The following AGBL1 variants were observed in gnomAD, a reference collection of about 807,000 sequenced individuals.
AGBL1 encodes the protein AGBL carboxypeptidase 1, also known as cytosolic carboxypeptidase 4.
A neutral mutation model predicts 118.9 loss-of-function variants in AGBL1; 130 were observed. The ratio of observed to expected loss-of-function variants is 1.09; its 90% confidence interval spans 0.95 to 1.26. AGBL1 has a LOEUF of 1.26. AGBL1 is among the 50% of genes most tolerant of loss of function. AGBL1 has a pLI of 0.00. For missense variants in AGBL1, 1,584 were observed against 1,298.1 expected, an observed-to-expected ratio of 1.22 and a Z score of -3.38; for synonymous variants, 555 against 478.9, an observed-to-expected ratio of 1.16 and a Z score of -2.08.
intron 21 of AGBL1, among the ~76,000 whole-genome samples, chr15:86,633,839 ATATATAATG>A (rs1567094031): frequency 7.5e-5 from 5 of 66,256 alleles, no homozygotes; most frequent in African/African-American, 3.5e-4. Flanking sequence ...TAATGTATAT[ATATATAATG>A]TATATATATA....
intron 3 of AGBL1, among the ~76,000 whole-genome samples, chr15:86,154,082 A>T (rs2077154694): frequency 6.6e-6 from 1 of 152,178 alleles, no homozygotes; most frequent in Non-Finnish European, 1.5e-5. Flanking sequence ...ATTAAGAATT[A>T]TATTAATATT....
rs988987500 is a variant in AGBL1, at chr15:86,099,772, C to T, written c.51+19749C>T. Among the ~76,000 whole-genome samples the T allele has an allele frequency of 2.0e-5, 3 of 152,054 alleles. 1 individual carries two copies. Among genetic ancestry groups the T allele is most frequent in the African/African-American group, 7.2e-5 (3 of 41,396 alleles). ...TGATCTGCCTGCCTTGGCTTCCCAA[C>T]ATGCTGGGATTACAGGTGTGAGCCA... is the stretch of plus-strand genomic sequence containing the variant. On this transcript the variant is annotated intron_variant, in intron 1 of 22. Coordinates refer to ENST00000614907, the MANE Select transcript of AGBL1 (RefSeq NM_001386094.1).
intron 23 of AGBL1, among the ~76,000 whole-genome samples, chr15:86,964,006 A>G (rs957374108): frequency 1.2e-4 from 7 of 60,770 alleles, no homozygotes; most frequent in African/African-American, 2.7e-4. Context: ...CTGAGCCAGG[A>G]AACTCTCTCT....
chr15:87,016,549 A>G (rs1445679593), intron 24 of AGBL1, among the ~76,000 whole-genome samples: 1 of 152,254 alleles, frequency 6.6e-6, no homozygotes, highest in South Asian at 2.1e-4. Flanking sequence ...GACTGGGCCA[A>G]GATGGCCAAT....
intron 18 of AGBL1, among the ~76,000 whole-genome samples, chr15:86,474,517 A>G (rs12907754): frequency 0.51 from 76,821 of 151,862 alleles, 19,961 homozygotes; most frequent in Middle Eastern, 0.6. Flanking sequence ...AGGCGGCAGC[A>G]AGCCTGATGG....
chr15:86,206,778 G>A (rs1347198076), intron 5 of AGBL1, among the ~76,000 whole-genome samples: 1 of 152,100 alleles, frequency 6.6e-6, no homozygotes, highest in South Asian at 2.1e-4. Context: ...CACTCTGATG[G>A]TAGTTTCTTT....
At chr15:86,231,680 A>G (rs1264926691) in intron 6 of AGBL1, among the ~76,000 whole-genome samples, 1 of 152,130 alleles carries the variant, frequency 6.6e-6, no homozygotes, top group African/African-American at 2.4e-5. Flanking sequence ...CATTTTACAG[A>G]TGTAGGAACT....
chr15:86,838,392 A>T (rs2079196853), intron 22 of AGBL1, among the ~76,000 whole-genome samples: 1 of 152,096 alleles, frequency 6.6e-6, no homozygotes, highest in South Asian at 2.1e-4. Flanking sequence ...TAATTTTTTT[A>T]AAGTGTGGAA....
At position 86,151,301 on chromosome 15, in the gene AGBL1, T is replaced by TAA. The variant is rs199623183; in HGVS notation, c.263-3113_263-3112dup. Among the ~76,000 whole-genome samples the TAA allele has an allele frequency of 4.7e-5, 6 of 128,718 alleles. 1 individual carries two copies. The East Asian group carries it at 8.9e-4, about 19-fold the overall frequency. 84.4% of individuals were successfully genotyped at this position (128,718 alleles called of 152,430 possible). A position where few individuals can be genotyped will look rare whatever the true frequency, so the allele number is the denominator to read the frequency against. On this transcript the variant is annotated intron_variant, in intron 3 of 22. Transcript: ENST00000614907. Reference sequence around the variant, plus strand: ...AGTACCCTAAAACTTAAAGTGTAATTAAAAAAAAAAAAAAAAAGCTTATCC... The same window carrying TAA: ...AGTACCCTAAAACTTAAAGTGTAATTAAAAAAAAAAAAAAAAAAAGCTTATCC...
At chr15:86,190,232 TAA>T (rs1289665479) in intron 5 of AGBL1, among the ~76,000 whole-genome samples, 2 of 152,144 alleles carry the variant, frequency 1.3e-5, no homozygotes, top group Non-Finnish European at 2.9e-5. Context: ...CAAGAGAATT[TAA>T]AAAGATTTAA....
At chr15:86,421,834 A>G (rs1250212035) in intron 18 of AGBL1, among the ~76,000 whole-genome samples, 3 of 152,204 alleles carry the variant, frequency 2.0e-5, no homozygotes, top group African/African-American at 4.8e-5. Flanking sequence ...TAAACCAACA[A>G]AGATTTAAAA....
chr15:86,307,103 C>G (rs903109552), intron 17 of AGBL1, among the ~76,000 whole-genome samples: 4 of 151,994 alleles, frequency 2.6e-5, no homozygotes, highest in African/African-American at 9.7e-5. Context: ...AATCTTAACT[C>G]TCTTGCCCCC....
At chr15:86,183,793 A>G (rs78599112) in intron 5 of AGBL1, among the ~76,000 whole-genome samples, 1,968 of 152,346 alleles carry the variant, frequency 0.013, 25 homozygotes, top group East Asian at 0.058. Context: ...CTAATACCAA[A>G]GTCCCTCAAT....
chr15:86,998,679 C>T (rs1238204592), intron 24 of AGBL1, among the ~76,000 whole-genome samples: 1 of 152,152 alleles, frequency 6.6e-6, no homozygotes, highest in Non-Finnish European at 1.5e-5. Context: ...AGGGAATGGG[C>T]AGCTGATATA....
chr15:86,321,300 C>CTTATTTA (rs1409488482), intron 17 of AGBL1, among the ~76,000 whole-genome samples: 9 of 151,914 alleles, frequency 5.9e-5, no homozygotes, highest in Non-Finnish European at 1.3e-4. Context: ...TTCTGGTTTT[C>CTTATTTA]TTATTTATTT....
rs115942271 is a variant in AGBL1, at chr15:86,624,746, G to T, written c.2995-49527G>T. ...CACTGTGCTGTGATGAGCTGACCTG[G>T]CCACAGGGTGTCACAACTGCCCCAG... On this transcript the variant is annotated intron_variant, in intron 21 of 22. Coordinates refer to ENST00000614907, the MANE Select transcript of AGBL1 (RefSeq NM_001386094.1). Among the ~76,000 whole-genome samples, 391 of 152,262 alleles carry T rather than the reference G, an allele frequency of 2.6e-3. 1 individual carries two copies. Among genetic ancestry groups the T allele is most frequent in the African/African-American group, 8.9e-3 (369 of 41,554 alleles).
intron 22 of AGBL1, among the ~76,000 whole-genome samples, chr15:86,766,973 G>A (rs910787115): frequency 1.9e-4 from 29 of 151,980 alleles, no homozygotes; most frequent in African/African-American, 7.0e-4. Flanking sequence ...TAAAGATTTA[G>A]GGTAATTTAG....
chr15:86,942,654 C>T (rs1206039362), intron 23 of AGBL1, among the ~76,000 whole-genome samples: 1 of 152,156 alleles, frequency 6.6e-6, no homozygotes, highest in Non-Finnish European at 1.5e-5. Flanking sequence ...CTGATCTTTG[C>T]CTAGAATCAC....
chr15:86,374,606 C>G (rs982049028), intron 17 of AGBL1, among the ~76,000 whole-genome samples: 2 of 152,134 alleles, frequency 1.3e-5, no homozygotes, highest in African/African-American at 4.8e-5. Context: ...TATCTAAAAC[C>G]CATAAATTGA....
Sources: gnomAD v4.1 joint callset for allele counts (sites outside exome capture counted in the v4.1 genomes callset) on GRCh38, gnomAD v4.1.1 for gene constraint, MANE v1.5 for transcripts, NCBI Gene and HGNC (gene_info 2026-07-23, HGNC 2026-07-21) for gene names.